The following GRIA1 variants were observed in gnomAD, a reference collection of about 807,000 sequenced individuals.
GRIA1 encodes glutamate receptor 1.
A neutral mutation model predicts 99.2 loss-of-function variants in GRIA1; 31 were observed. That is an observed-to-expected ratio of 0.31 (90% CI 0.23 to 0.42). GRIA1 has a LOEUF of 0.42. Ranked by LOEUF, GRIA1 falls within the 10% of genes least tolerant of loss-of-function variation. The probability of loss-of-function intolerance (pLI) is 1.00; values close to 1 mark genes in which losing one functional copy is unlikely to be tolerated. For synonymous variants in GRIA1, 438 were observed against 432.4 expected (o/e 1.01, Z -0.16); for missense variants, 782 against 1,157.5 (o/e 0.68, Z 4.71).
intron 2 of GRIA1, among the ~76,000 whole-genome samples, chr5:153,613,591 C>A (rs2149412541): frequency 6.6e-6 from 1 of 152,046 alleles, no homozygotes; most frequent in Non-Finnish European, 1.5e-5. Context: ...TTTTCCCTCT[C>A]TTCCTCTCCT....
chr5:153,650,009 A>T (rs933650112), intron 3 of GRIA1, among the ~76,000 whole-genome samples: 2 of 152,216 alleles, frequency 1.3e-5, no homozygotes. Context: ...TGACATTATG[A>T]GGTGAGCATT....
chr5:153,702,180 T>C (rs1362572127), intron 10 of GRIA1, among the ~76,000 whole-genome samples: 3 of 152,304 alleles, frequency 2.0e-5, no homozygotes, highest in African/African-American at 7.2e-5. Context: ...GTAAAACCAA[T>C]ATTAACTGAG....
At chr5:153,697,031 C>A (rs2149511075) in intron 8 of GRIA1, among the ~76,000 whole-genome samples, 1 of 152,328 alleles carries the variant, frequency 6.6e-6, no homozygotes, top group East Asian at 1.9e-4. Flanking sequence ...CTATCTTCCA[C>A]CCAGGACCCA....
intron 1 of GRIA1, chr5:153,492,059 G>C (rs567689137): frequency 1.0e-5 from 12 of 1,177,406 alleles, no homozygotes; most frequent in Middle Eastern, 5.9e-4. Context: ...AAGCATCTTC[G>C]TTGGTTTGGT....
At chr5:153,580,348 G>A (rs1762939523) in intron 2 of GRIA1, among the ~76,000 whole-genome samples, 1 of 152,196 alleles carries the variant, frequency 6.6e-6, no homozygotes, top group Admixed American at 6.5e-5. Flanking sequence ...ATTTGGGCAA[G>A]GTAAATCTTC....
chr5:153,793,992 T>C (rs1204526360), intron 13 of GRIA1, among the ~76,000 whole-genome samples: 1 of 152,238 alleles, frequency 6.6e-6, no homozygotes, highest in Non-Finnish European at 1.5e-5. Flanking sequence ...TTTTCCTCTG[T>C]CCTGAAATGT....
intron 2 of GRIA1, among the ~76,000 whole-genome samples, chr5:153,567,154 C>T (rs1159348033): frequency 6.6e-6 from 1 of 152,154 alleles, no homozygotes; most frequent in Non-Finnish European, 1.5e-5. Context: ...CTCACTTCTG[C>T]TTTCATTCAT....
At chr5:153,580,905 G>A (rs755181223) in intron 2 of GRIA1, among the ~76,000 whole-genome samples, 29 of 152,164 alleles carry the variant, frequency 1.9e-4, no homozygotes, top group Admixed American at 4.6e-4. Context: ...GATGTTGCAC[G>A]TGTCAACATT....
intron 2 of GRIA1, among the ~76,000 whole-genome samples, chr5:153,571,031 A>G (rs1168725353): frequency 1.3e-5 from 2 of 152,088 alleles, no homozygotes; most frequent in Non-Finnish European, 2.9e-5. Flanking sequence ...CTCACACTAC[A>G]TGGTTTACTC....
At chr5:153,768,892 T>C (rs538433164) in intron 12 of GRIA1, among the ~76,000 whole-genome samples, 12 of 152,330 alleles carry the variant, frequency 7.9e-5, no homozygotes, top group African/African-American at 2.9e-4. Flanking sequence ...AGCCAGACTG[T>C]AGTATCCCTA....
chr5:153,587,272 A>T (rs549982735), intron 2 of GRIA1, among the ~76,000 whole-genome samples: 1 of 151,296 alleles, frequency 6.6e-6, no homozygotes, highest in Non-Finnish European at 1.5e-5. Context: ...ACCCTCTCTC[A>T]CTCTTGTTTT....
At chr5:153,625,666 T>C (rs1767532454) in intron 2 of GRIA1, among the ~76,000 whole-genome samples, 1 of 152,216 alleles carries the variant, frequency 6.6e-6, no homozygotes, top group Non-Finnish European at 1.5e-5. Flanking sequence ...ATTTCATTTA[T>C]TTATGAAAAG....
Position 153,677,004 on chromosome 5 carries a change from C to T in GRIA1, c.872C>T (p.Ala291Val), listed in dbSNP as rs1489199965. The change falls in exon 7 of 16, where the codon GCG (alanine) becomes GTG (valine). Residue 291 changes from alanine (A) to valine (V), a missense_variant. This residue lies in a region of GRIA1 where 461 missense variants were observed against 521.7 expected (regional missense o/e 0.88). Transcript: ENST00000285900. ...VDWKRPKYTS[A>V]LTYDGVKVMA... ...CATTCCTCCCACTAGTACACCTCTG[C>T]GCTCACCTACGATGGGGTGAAGGTG... The T allele has an allele frequency of 1.1e-5, 16 of 1,492,262 alleles. No individual in the cohort carries two copies. Among genetic ancestry groups the T allele is most frequent in the African/African-American group, 1.4e-5 (1 of 71,116 alleles). The allele number at this position is 1,492,262 out of a possible 1,614,324, so 92.4% of individuals were successfully genotyped here. A position where few individuals can be genotyped will look rare whatever the true frequency, so the allele number is the denominator to read the frequency against.
intron 2 of GRIA1, among the ~76,000 whole-genome samples, chr5:153,628,624 A>G (rs1193010180): frequency 6.6e-6 from 1 of 152,346 alleles, no homozygotes; most frequent in South Asian, 2.1e-4. Flanking sequence ...TTTAAAAGTT[A>G]ACGAAATGCA....
chr5:153,610,567 C>T (rs1424986451), intron 2 of GRIA1, among the ~76,000 whole-genome samples: 2 of 152,244 alleles, frequency 1.3e-5, no homozygotes, highest in Non-Finnish European at 2.9e-5. Flanking sequence ...AAAATAATCT[C>T]TGCCTTTAGG....
chr5:153,579,137 A>T (rs1762826198), intron 2 of GRIA1, among the ~76,000 whole-genome samples: 2 of 151,468 alleles, frequency 1.3e-5, no homozygotes, highest in South Asian at 4.2e-4. Flanking sequence ...GTAAAGGGCC[A>T]TGCAAGTATA....
At chr5:153,501,780 C>T (rs1001195521) in intron 2 of GRIA1, among the ~76,000 whole-genome samples, 3 of 152,120 alleles carry the variant, frequency 2.0e-5, no homozygotes, top group African/African-American at 7.2e-5. Flanking sequence ...TTTAGGGGTG[C>T]GTTGTCATGG....
At chr5:153,734,468 G>A (rs1761248402) in intron 11 of GRIA1, among the ~76,000 whole-genome samples, 1 of 152,166 alleles carries the variant, frequency 6.6e-6, no homozygotes, top group East Asian at 1.9e-4. Flanking sequence ...TCACATGCCT[G>A]TCTGTAGTGC....
At chr5:153,791,220 AG>A (rs1765280703) in intron 13 of GRIA1, among the ~76,000 whole-genome samples, 1 of 151,428 alleles carries the variant, frequency 6.6e-6, no homozygotes, top group Non-Finnish European at 1.5e-5. Flanking sequence ...GGATTGCTTG[AG>A]GCCAGGAGTT....
Sources: allele counts gnomAD v4.1 joint callset (sites outside exome capture counted in the v4.1 genomes callset), GRCh38; gene constraint gnomAD v4.1.1; regional missense constraint gnomAD v4.1.1; transcripts MANE v1.5; gene names NCBI Gene and HGNC (gene_info 2026-07-23, HGNC 2026-07-21).